ZNF90: variants seen among roughly 807,000 people sequenced by gnomAD.
ZNF90 encodes the protein zinc finger protein HTF9.
Under a neutral mutation model 12.0 loss-of-function variants are expected in ZNF90, and 11 were observed. The ratio of observed to expected loss-of-function variants is 0.92; its 90% CI spans 0.58 to 1.52. The LOEUF (loss-of-function observed/expected upper bound fraction) is 1.52. Among genes scored for constraint, ZNF90 ranks in the 40% most tolerant of loss-of-function variants. ZNF90 has a pLI of 0.00. For missense variants in ZNF90, 765 were observed against 711.5 expected (o/e 1.08, Z -0.86); for synonymous variants, 232 against 240.1 (o/e 0.97, Z 0.31).
intron 1 of ZNF90, among the ~76,000 whole-genome samples, chr19:20,082,808 T>C (rs1555701681): frequency 6.6e-6 from 1 of 152,156 alleles, no homozygotes; most frequent in African/African-American, 2.4e-5. Context: ...CTCTTTGCAG[T>C]TGAGATAAGA....
chr19:20,112,060 T>C (rs114320775), intron 3 of ZNF90, among the ~76,000 whole-genome samples: 1,928 of 152,116 alleles, frequency 0.013, 44 homozygotes, highest in African/African-American at 0.044. Context: ...CGTTTCACAA[T>C]GTTGGCCAGG....
rs912359987 is a variant in ZNF90, at chr19:20,120,024, G to A, written c.*664G>A. Among the ~76,000 whole-genome samples the A allele has an allele frequency of 5.9e-5, 9 of 152,172 alleles. No homozygotes were observed. The highest frequency in any genetic ancestry group is 2.2e-4 in the African/African-American group (9 of 41,448). The stretch of plus-strand genomic sequence containing the variant: ...ATGATTATACTAGTGTGAAACCCTA[G>A]AAATAATAGAAAATTTGACAAATCC... On this transcript the variant is annotated 3_prime_UTR_variant, in exon 4 of 4. Coordinates refer to ENST00000418063, the MANE Select transcript of ZNF90 (RefSeq NM_007138.2).
At chr19:20,090,984 CTGCT>C (rs1354963852) in intron 1 of ZNF90, among the ~76,000 whole-genome samples, 1 of 152,082 alleles carries the variant, frequency 6.6e-6, no homozygotes, top group Non-Finnish European at 1.5e-5. Context: ...GCCTGAGAAA[CTGCT>C]TGGGTGATTT....
At chr19:20,081,747 T>G (rs1023155660) in intron 1 of ZNF90, among the ~76,000 whole-genome samples, 2 of 151,934 alleles carry the variant, frequency 1.3e-5, no homozygotes, top group Non-Finnish European at 2.9e-5. Flanking sequence ...AGGGATTTGT[T>G]TTTTTTCTTT....
At position 20,119,736 on chromosome 19, in the gene ZNF90, C is replaced by T. The variant is rs1038059685; in HGVS notation, c.*376C>T. The T allele has an allele frequency of 1.7e-5, 3 of 173,576 alleles. No homozygotes were observed. Among genetic ancestry groups the T allele is most frequent in the Non-Finnish European group, 2.5e-5 (2 of 81,352 alleles). The allele number at this position is 173,576 out of a possible 1,614,324, so 10.8% of individuals were successfully genotyped here. A position where few individuals can be genotyped will look rare whatever the true frequency, so the allele number is the denominator to read the frequency against. On this transcript the variant is annotated 3_prime_UTR_variant, in exon 4 of 4. Coordinates refer to ENST00000418063, the MANE Select transcript of ZNF90 (RefSeq NM_007138.2). Reference sequence around the variant, plus strand: ...CCTGGTTCAAGCCATTAACCTGCTTCAGCCTCCACCACCATGCCCAACTAA... The same window carrying T: ...CCTGGTTCAAGCCATTAACCTGCTTTAGCCTCCACCACCATGCCCAACTAA...
rs1555705903 is a variant in ZNF90, at chr19:20,118,105, A to G, written c.551A>G (p.Gln184Arg). Residue 184 changes from glutamine (Q) to arginine (R), a missense_variant, in exon 4 of 4, where the codon CAG (glutamine) becomes CGG (arginine). By Grantham distance (43) the Gln-to-Arg change is conservative. Coordinates refer to ENST00000418063, the MANE Select transcript of ZNF90 (RefSeq NM_007138.2). The stretch of plus-strand genomic sequence containing the variant: ...ATAGAATGTGGCAAAGCTTTCAACC[A>G]GTCCTCAACCCTTGCTACACATAAG... The part of the protein sequence containing the change: ...KCIECGKAFN[Q>R]SSTLATHKKI... 3 of 1,613,570 alleles carry G rather than the reference A, an allele frequency of 1.9e-6. No homozygotes were observed. Among genetic ancestry groups the G allele is most frequent in the Admixed American group, 1.7e-5 (1 of 59,912 alleles).
chr19:20,097,632 A>G (rs1488330392), intron 1 of ZNF90, among the ~76,000 whole-genome samples: 4 of 152,210 alleles, frequency 2.6e-5, no homozygotes, highest in African/African-American at 7.2e-5. Context: ...AATGCTCACA[A>G]ATGTGCTATA....
chr19:20,111,557 T>G (rs2089089000), intron 3 of ZNF90, among the ~76,000 whole-genome samples: 1 of 152,160 alleles, frequency 6.6e-6, no homozygotes, highest in Non-Finnish European at 1.5e-5. Flanking sequence ...AAAGAAAAAT[T>G]ACCAGTTATA....
chr19:20,080,336 A>G, intron 1 of ZNF90: 1 of 492,628 alleles, frequency 2.0e-6, no homozygotes, highest in South Asian at 1.7e-5. Context: ...CAACACTCTG[A>G]GCCACAGGAG....
Position 20,118,506 on chromosome 19 carries a change from T to C in ZNF90, c.952T>C (p.Cys318Arg). Residue 318 changes from cysteine to arginine, a missense_variant, in exon 4 of 4, where the codon TGT becomes CGT. Coordinates refer to ENST00000418063, the MANE Select transcript of ZNF90 (RefSeq NM_007138.2). ...TEEKPYKCEE[C>R]GKAFKLSSIL... ...AGAGAAACCCTACAAATGTGAAGAATGTGGCAAAGCCTTCAAGCTCTCCTC... is the reference window on the plus strand; with the variant it reads ...AGAGAAACCCTACAAATGTGAAGAACGTGGCAAAGCCTTCAAGCTCTCCTC... The C allele has an allele frequency of 6.2e-7, 1 of 1,613,790 alleles. No individual in the cohort carries two copies. The highest frequency in any genetic ancestry group is 1.7e-4 in the Middle Eastern group (1 of 6,058).
At chr19:20,082,741 C>T (rs772969203) in intron 1 of ZNF90, among the ~76,000 whole-genome samples, 5 of 152,270 alleles carry the variant, frequency 3.3e-5, no homozygotes, top group Middle Eastern at 3.4e-3. Flanking sequence ...CTGACCATCC[C>T]CCAGCCCGAC....
intron 1 of ZNF90, among the ~76,000 whole-genome samples, chr19:20,096,538 G>A (rs571815869): frequency 1.4e-4 from 21 of 152,146 alleles, no homozygotes; most frequent in South Asian, 8.3e-4. Flanking sequence ...AGTGGGGGTC[G>A]CAAGGTGCTC....
intron 1 of ZNF90, among the ~76,000 whole-genome samples, chr19:20,096,908 C>T (rs1299971025): frequency 6.6e-6 from 1 of 152,158 alleles, no homozygotes; most frequent in Non-Finnish European, 1.5e-5. Context: ...GAAACCCTAC[C>T]TTCAGCAGGC....
Position 20,078,045 on chromosome 19 carries a change from G to A in ZNF90, c.-88G>A. ...TGGTGCTCCAAATCTGGTCTTAGCTGCTTCGTGTCTTCTTCTCCAGCCTCT... is the reference window on the plus strand; with the variant it reads ...TGGTGCTCCAAATCTGGTCTTAGCTACTTCGTGTCTTCTTCTCCAGCCTCT... On this transcript the variant is annotated 5_prime_UTR_variant, in exon 1 of 4. Coordinates refer to ENST00000418063, the MANE Select transcript of ZNF90 (RefSeq NM_007138.2). The A allele has an allele frequency of 6.3e-7, 1 of 1,579,676 alleles. No homozygotes were observed. The highest frequency in any genetic ancestry group is 8.7e-7 in the Non-Finnish European group (1 of 1,148,786).
chr19:20,119,451 C>T lies in ZNF90; in HGVS notation c.*91C>T, dbSNP rs1420413413. The T allele has an allele frequency of 9.5e-7, 1 of 1,057,524 alleles. No individual in the cohort carries two copies. Among genetic ancestry groups the T allele is most frequent in the Non-Finnish European group, 1.4e-6 (1 of 739,832 alleles). The allele number at this position is 1,057,524 out of a possible 1,614,324, so 65.5% of individuals were successfully genotyped here. A position where few individuals can be genotyped will look rare whatever the true frequency, so the allele number is the denominator to read the frequency against. The stretch of plus-strand genomic sequence containing the variant: ...GACTGTTGGAAAGCCTTTGACCACC[C>T]CTCTACTCTTACTAAATATGAGAAT... On this transcript the variant is annotated 3_prime_UTR_variant, in exon 4 of 4. Transcript: ENST00000418063.
chr19:20,105,789 A>C lies in ZNF90; in HGVS notation c.226+473A>C, dbSNP rs2089030943. ...TATATAGTCTTAAAATATCATTTGA[A>C]AGTATAAGTATGATATACTTCTGCT... On this transcript the variant is annotated intron_variant, in intron 3 of 3. Transcript: ENST00000418063. Among the ~76,000 whole-genome samples, 3 of 152,156 alleles carry C rather than the reference A, an allele frequency of 2.0e-5. No homozygotes were observed. The South Asian group carries it at 6.2e-4, about 32-fold the overall frequency.
chr19:20,083,292 GCCACC>G (rs2088834585), intron 1 of ZNF90, among the ~76,000 whole-genome samples: 2 of 151,956 alleles, frequency 1.3e-5, no homozygotes, highest in Admixed American at 1.3e-4. Flanking sequence ...GGAGGGGCAG[GCCACC>G]CCTTTAGCAT....
At chr19:20,101,311 A>G (rs2088988243) in intron 1 of ZNF90, among the ~76,000 whole-genome samples, 1 of 152,086 alleles carries the variant, frequency 6.6e-6, no homozygotes, top group African/African-American at 2.4e-5. Context: ...TATAAGACTC[A>G]CCGCATGGCC....
chr19:20,092,088 C>G (rs1253859231), intron 1 of ZNF90, among the ~76,000 whole-genome samples: 1 of 152,022 alleles, frequency 6.6e-6, no homozygotes, highest in East Asian at 1.9e-4. Flanking sequence ...TCATGAGGGT[C>G]AGGTGTGGTA....
Sources: allele counts gnomAD v4.1 joint callset (sites outside exome capture counted in the v4.1 genomes callset), GRCh38; gene constraint gnomAD v4.1.1; transcripts MANE v1.5; gene names NCBI Gene and HGNC (gene_info 2026-07-23, HGNC 2026-07-21).